Variants in MBD5 observed in about 807,000 individuals in gnomAD.
MBD5 encodes the protein methyl-CpG-binding domain protein 5.
MBD5 carries 13 observed loss-of-function variants against 117.3 expected under a neutral mutation model. The observed-to-expected ratio is 0.11, with a 90% CI of 0.07 to 0.18. The LOEUF (loss-of-function observed/expected upper bound fraction) is 0.18, where lower values mean the gene tolerates loss of function less well. Among genes scored for constraint, MBD5 ranks in the 10% least tolerant of loss-of-function variants. MBD5 has a pLI of 1.00. For synonymous variants in MBD5, 727 were observed against 766.4 expected (o/e 0.95, Z 0.85); for missense variants, 1,879 against 2,093.8 (o/e 0.90, Z 2.00).
chr2:148,092,151 A>G (rs1336656326), intron 1 of MBD5, among the ~76,000 whole-genome samples: 1 of 152,172 alleles, frequency 6.6e-6, no homozygotes, highest in Non-Finnish European at 1.5e-5. Flanking sequence ...TAATTAAAAA[A>G]TCAAAAAATA....
intron 4 of MBD5, among the ~76,000 whole-genome samples, chr2:148,365,460 C>G (rs919972926): frequency 2.6e-5 from 4 of 152,094 alleles, no homozygotes; most frequent in Non-Finnish European, 5.9e-5. Flanking sequence ...CATTCAAAAG[C>G]TAGCAGAAGA....
chr2:148,227,432 G>A (rs905603566), intron 2 of MBD5, among the ~76,000 whole-genome samples: 9 of 152,256 alleles, frequency 5.9e-5, no homozygotes, highest in African/African-American at 2.2e-4. Flanking sequence ...GTAGATACGC[G>A]GCATTATTTC....
Position 148,115,029 on chromosome 2 carries a change from A to T in MBD5, c.-924-63671A>T, listed in dbSNP as rs151055969. 3.1e-4 allele frequency among the ~76,000 whole-genome samples: 47 copies of T among 152,256 alleles called. 1 individual carries two copies. In the East Asian group the frequency reaches 8.7e-3, roughly 28 times the overall value. On this transcript the variant is annotated intron_variant, in intron 1 of 13. Transcript: ENST00000642680. ...AGTATCTGCATATACATACATATAT[A>T]CAATTATGTATATTTAATTTTTTAA...
intron 3 of MBD5, chr2:148,264,311 G>GAAT: frequency 6.8e-6 from 1 of 147,180 alleles, no homozygotes; most frequent in South Asian, 2.3e-4. Flanking sequence ...AGAAGAAGAA[G>GAAT]AAGAAGAAGA....
intron 1 of MBD5, among the ~76,000 whole-genome samples, chr2:148,155,647 A>T (rs1697854934): frequency 6.6e-6 from 1 of 152,196 alleles, no homozygotes; most frequent in Non-Finnish European, 1.5e-5. Context: ...GTCTGCTGCC[A>T]GGCTCACATG....
At chr2:148,080,454 T>C (rs1333460048) in intron 1 of MBD5, among the ~76,000 whole-genome samples, 3 of 152,198 alleles carry the variant, frequency 2.0e-5, no homozygotes, top group Non-Finnish European at 4.4e-5. Context: ...ATATTCATGA[T>C]AATATGAAAA....
intron 1 of MBD5, among the ~76,000 whole-genome samples, chr2:148,031,350 G>A (rs1347137146): frequency 1.3e-5 from 2 of 150,574 alleles, no homozygotes; most frequent in Admixed American, 6.7e-5. Context: ...AAAAAAAAAA[G>A]CAATTAGAAT....
At chr2:148,048,440 G>A (rs1397697349) in intron 1 of MBD5, among the ~76,000 whole-genome samples, 1 of 152,168 alleles carries the variant, frequency 6.6e-6, no homozygotes, top group Non-Finnish European at 1.5e-5. Flanking sequence ...ACATACCTAT[G>A]TTGAAAATCA....
At chr2:148,062,137 A>T (rs753615236) in intron 1 of MBD5, 11 of 151,724 alleles carry the variant, frequency 7.3e-5, no homozygotes, top group Non-Finnish European at 1.5e-4. Context: ...TTGCTCAACT[A>T]ATTCTCTTTT....
At chr2:148,245,288 CTA>C (rs36029893) in intron 3 of MBD5, among the ~76,000 whole-genome samples, 35,085 of 151,956 alleles carry the variant, frequency 0.23, 4,420 homozygotes, top group East Asian at 0.53. Flanking sequence ...TGCAGTGGCA[CTA>C]TCTCAGCTCA....
chr2:148,377,607 G>A (rs1704026902), intron 4 of MBD5, among the ~76,000 whole-genome samples: 1 of 152,140 alleles, frequency 6.6e-6, no homozygotes, highest in South Asian at 2.1e-4. Context: ...ATGTGATTAT[G>A]TCTCTCTCAC....
intron 4 of MBD5, among the ~76,000 whole-genome samples, chr2:148,350,264 G>A (rs893657344): frequency 8.6e-5 from 13 of 151,916 alleles, no homozygotes; most frequent in African/African-American, 2.2e-4. Context: ...TTGAACATCC[G>A]TTCTTCTGCC....
At chr2:148,147,506 C>T (rs1248822204) in intron 1 of MBD5, among the ~76,000 whole-genome samples, 1 of 152,110 alleles carries the variant, frequency 6.6e-6, no homozygotes, top group Non-Finnish European at 1.5e-5. Context: ...CCTCAAAGTG[C>T]TGGTATTACA....
chr2:148,098,436 T>C (rs978025899), intron 1 of MBD5, among the ~76,000 whole-genome samples: 1 of 152,088 alleles, frequency 6.6e-6, no homozygotes, highest in Admixed American at 6.5e-5. Flanking sequence ...GCTAAATATA[T>C]AGATTTTTCA....
chr2:148,496,983 C>A (rs1400376347), intron 11 of MBD5, among the ~76,000 whole-genome samples: 2 of 152,032 alleles, frequency 1.3e-5, no homozygotes, highest in Non-Finnish European at 2.9e-5. Flanking sequence ...AATTCCCAGT[C>A]TTTAAAAAAT....
At chr2:148,186,199 C>T (rs550627296) in intron 2 of MBD5, among the ~76,000 whole-genome samples, 55 of 152,174 alleles carry the variant, frequency 3.6e-4, no homozygotes, top group African/African-American at 1.3e-3. Flanking sequence ...ATCATGGGGG[C>T]GGGTCTTTCA....
In MBD5 at chr2:148,187,825, C is replaced by T. The variant is rs529833556; in HGVS notation, c.-831+9032C>T. Among the ~76,000 whole-genome samples, 14 of 152,020 alleles carry T rather than the reference C, an allele frequency of 9.2e-5. No homozygotes were observed. In the East Asian group the frequency reaches 2.5e-3, roughly 27 times the overall value. On this transcript the variant is annotated intron_variant, in intron 2 of 13. Coordinates refer to ENST00000642680, the MANE Select transcript of MBD5 (RefSeq NM_001378120.1). Reference sequence around the variant, plus strand: ...AGAAAAATGATGCTAGATGGAAACTCGATCTCTTCAGAAGAATGAAGAGCC... The same window carrying T: ...AGAAAAATGATGCTAGATGGAAACTTGATCTCTTCAGAAGAATGAAGAGCC...
chr2:148,458,861 C>A lies in MBD5; in HGVS notation c.103C>A (p.Leu35Ile), dbSNP rs1201462027. The A allele has an allele frequency of 2.5e-6, 4 of 1,612,284 alleles. No homozygotes were observed. The East Asian group carries it at 8.9e-5, about 36-fold the overall frequency. The change falls in exon 5 of 14, where the codon CTT (leucine) becomes ATT (isoleucine). Residue 35 changes from leucine (L) to isoleucine (I), a missense_variant. Coordinates refer to ENST00000642680, the MANE Select transcript of MBD5 (RefSeq NM_001378120.1). ...GCGTCGTGTGGATCAAAATGGAGTG[C>A]TTTATGTCAGGTAAGTTCTTATTAT... is the stretch of plus-strand genomic sequence containing the variant. ...WQRRVDQNGV[L>I]YVSPSGSLLS... is the part of the protein sequence containing the mutation.
intron 8 of MBD5, among the ~76,000 whole-genome samples, chr2:148,476,791 C>A (rs921215414): frequency 2.0e-5 from 3 of 152,120 alleles, no homozygotes; most frequent in Non-Finnish European, 2.9e-5. Flanking sequence ...GAATACAAAG[C>A]TAAGCATATT....
Sources: gnomAD v4.1 joint callset for allele counts (sites outside exome capture counted in the v4.1 genomes callset) on GRCh38, gnomAD v4.1.1 for gene constraint, MANE v1.5 for transcripts, NCBI Gene and HGNC (gene_info 2026-07-23, HGNC 2026-07-21) for gene names.